The following CABLES1 variants were observed in gnomAD, a reference collection of about 807,000 sequenced individuals.
CABLES1 encodes Cdk5 and Abl enzyme substrate 1.
CABLES1 carries 36 observed loss-of-function variants against 57.8 expected under a neutral mutation model. The observed-to-expected ratio is 0.62, with a 90% CI of 0.48 to 0.82. The LOEUF (loss-of-function observed/expected upper bound fraction) is 0.82. CABLES1 is among the 40% of genes least tolerant of loss of function. CABLES1 has a pLI of 0.00. For synonymous variants in CABLES1, 374 were observed against 363.0 expected, an observed-to-expected ratio of 1.03 and a Z score of -0.35; for missense variants, 767 against 836.6, an observed-to-expected ratio of 0.92 and a Z score of 1.03.
intron 3 of CABLES1, among the ~76,000 whole-genome samples, chr18:23,211,033 A>T (rs1171669615): frequency 6.6e-6 from 1 of 152,010 alleles, no homozygotes. Context: ...TGGAACGAGC[A>T]GCATGTTGTC....
chr18:23,172,530 CCAGT>C (rs1568052859), intron 1 of CABLES1, among the ~76,000 whole-genome samples: 1 of 152,142 alleles, frequency 6.6e-6, no homozygotes, highest in African/African-American at 2.4e-5. Context: ...TTTATTTTAC[CCAGT>C]CACTTTCTGA....
intron 1 of CABLES1, among the ~76,000 whole-genome samples, chr18:23,170,295 A>G (rs2047073191): frequency 6.6e-6 from 1 of 152,184 alleles, no homozygotes; most frequent in Admixed American, 6.5e-5. Context: ...AACATGTAAC[A>G]AGGGCCTGCC....
chr18:23,202,431 T>TCCTGC (rs1356904572), intron 3 of CABLES1, among the ~76,000 whole-genome samples: 30 of 152,294 alleles, frequency 2.0e-4, no homozygotes, highest in African/African-American at 7.0e-4. Context: ...CCTTTGAACC[T>TCCTGC]CCTGCTGAGG....
intron 1 of CABLES1, among the ~76,000 whole-genome samples, chr18:23,177,000 C>G (rs1480286059): frequency 1.3e-5 from 2 of 152,158 alleles, no homozygotes; most frequent in Non-Finnish European, 2.9e-5. Context: ...TCCGTTCTCT[C>G]CTGACTGTGG....
intron 2 of CABLES1, among the ~76,000 whole-genome samples, chr18:23,193,472 G>A (rs1047558883): frequency 6.8e-5 from 4 of 58,864 alleles, no homozygotes; most frequent in South Asian, 1.8e-3. Flanking sequence ...GATTACAGGC[G>A]TGAGCCACCA....
At chr18:23,199,524 A>G (rs1444874520) in intron 3 of CABLES1, among the ~76,000 whole-genome samples, 1 of 152,216 alleles carries the variant, frequency 6.6e-6, no homozygotes, top group Non-Finnish European at 1.5e-5. Flanking sequence ...ATGAAAAGGA[A>G]TCAGTACTGA....
chr18:23,137,026 GC>G (rs1386710091), intron 1 of CABLES1, among the ~76,000 whole-genome samples: 14 of 152,362 alleles, frequency 9.2e-5, no homozygotes, highest in Admixed American at 5.9e-4. Flanking sequence ...GCTGAGCGGC[GC>G]GTGTGAGCCT....
In CABLES1 at chr18:23,253,944, G is replaced by A. The variant is rs761765411; in HGVS notation, c.1761+8G>A. 2.5e-5 allele frequency: 41 copies of A among 1,613,416 alleles called. No homozygotes were observed. The highest frequency in any genetic ancestry group is 3.4e-5 in the Non-Finnish European group (40 of 1,179,646). On this transcript the variant is annotated splice_region_variant and intron_variant, in intron 9 of 9. Coordinates refer to ENST00000256925, the MANE Select transcript of CABLES1 (RefSeq NM_001100619.3). ...GTCAAGCATTTAATTGACGTAAGTA[G>A]CCTTTTTCCTGGTGGCTGGAGGAGC...
intron 1 of CABLES1, among the ~76,000 whole-genome samples, chr18:23,138,178 G>A (rs1419796512): frequency 6.6e-6 from 1 of 152,178 alleles, no homozygotes; most frequent in East Asian, 1.9e-4. Context: ...ATGGACAGAT[G>A]TGTCCTCCAT....
At chr18:23,226,883 T>G (rs1323518835) in intron 4 of CABLES1, 1 of 152,160 alleles carries the variant, frequency 6.6e-6, no homozygotes, top group Admixed American at 6.5e-5. Flanking sequence ...ACTAGATGAT[T>G]CCAGCAAAAA....
chr18:23,245,990 G>A (rs146009491), intron 7 of CABLES1, among the ~76,000 whole-genome samples: 101 of 152,318 alleles, frequency 6.6e-4, no homozygotes, highest in African/African-American at 2.3e-3. Context: ...GGTCCCGGCC[G>A]GGCACGGTGG....
At position 23,163,989 on chromosome 18, in the gene CABLES1, C is replaced by T. The variant is rs182627269; in HGVS notation, c.846-24849C>T. ...GCAAACTGAGGCACAGACAGGTTAT[C>T]GAGCTTATCAAAAATCCCAGCACTG... On this transcript the variant is annotated intron_variant, in intron 1 of 9. Transcript: ENST00000256925. Among the ~76,000 whole-genome samples the T allele has an allele frequency of 1.1e-3, 173 of 152,272 alleles. 1 individual carries two copies. Among genetic ancestry groups the T allele is most frequent in the Non-Finnish European group, 1.9e-3 (129 of 68,014 alleles).
intron 7 of CABLES1, among the ~76,000 whole-genome samples, chr18:23,247,654 C>G (rs980645212): frequency 6.6e-6 from 1 of 152,228 alleles, no homozygotes; most frequent in Non-Finnish European, 1.5e-5. Context: ...ACTGGGCCGC[C>G]GGGCACCATG....
intron 1 of CABLES1, among the ~76,000 whole-genome samples, chr18:23,144,872 T>G (rs748171961): frequency 3.9e-5 from 6 of 152,116 alleles, no homozygotes; most frequent in Non-Finnish European, 7.4e-5. Context: ...CTTTTTCCCC[T>G]TCCAGAGAGT....
intron 7 of CABLES1, among the ~76,000 whole-genome samples, chr18:23,250,878 T>G (rs2145128821): frequency 6.6e-6 from 1 of 152,356 alleles, no homozygotes; most frequent in African/African-American, 2.4e-5. Flanking sequence ...TGCTTTGCCT[T>G]TATTCACCAG....
Position 23,253,805 on chromosome 18 carries a change from T to C in CABLES1, c.1630T>C (p.Tyr544His). The C allele has an allele frequency of 6.2e-7, 1 of 1,614,234 alleles. No individual in the cohort carries two copies. The highest frequency in any genetic ancestry group is 8.5e-7 in the Non-Finnish European group (1 of 1,180,036). ...EEPTVAMAFV[Y>H]FEKLALKGKL... is the part of the protein sequence containing the mutation. Reference sequence around the variant, plus strand: ...GCCCACGGTGGCCATGGCCTTCGTCTACTTTGAAAAGCTCGCCCTCAAGGG... The same window carrying C: ...GCCCACGGTGGCCATGGCCTTCGTCCACTTTGAAAAGCTCGCCCTCAAGGG... Residue 544 changes from tyrosine (Y) to histidine (H), a missense_variant, in exon 9 of 10, where the codon TAC becomes CAC. Transcript: ENST00000256925.
At chr18:23,187,368 G>C (rs1291891657) in intron 1 of CABLES1, among the ~76,000 whole-genome samples, 1 of 152,182 alleles carries the variant, frequency 6.6e-6, no homozygotes, top group Non-Finnish European at 1.5e-5. Flanking sequence ...TTTACAGTTG[G>C]AGAAGAGACA....
At chr18:23,145,812 A>G (rs1435704451) in intron 1 of CABLES1, among the ~76,000 whole-genome samples, 4 of 152,198 alleles carry the variant, frequency 2.6e-5, no homozygotes, top group African/African-American at 7.2e-5. Flanking sequence ...TACGCACTAG[A>G]TCATATTTAA....
At chr18:23,192,403 G>C (rs2047250702) in intron 2 of CABLES1, among the ~76,000 whole-genome samples, 1 of 152,200 alleles carries the variant, frequency 6.6e-6, no homozygotes, top group South Asian at 2.1e-4. Flanking sequence ...TCCACTTCCA[G>C]AAGAAGGCTG....
Sources: gnomAD v4.1 joint callset for allele counts (sites outside exome capture counted in the v4.1 genomes callset) on GRCh38, gnomAD v4.1.1 for gene constraint, MANE v1.5 for transcripts, NCBI Gene and HGNC (gene_info 2026-07-23, HGNC 2026-07-21) for gene names.